Variants in SGCD observed in about 807,000 individuals in gnomAD.
SGCD encodes delta-sarcoglycan.
SGCD carries 18 observed loss-of-function variants against 36.6 expected under a neutral mutation model. The observed-to-expected ratio is 0.49, with a 90% CI of 0.34 to 0.73. The LOEUF (loss-of-function observed/expected upper bound fraction) is 0.73, where lower values mean the gene tolerates loss of function less well. Among genes scored for constraint, SGCD ranks in the 30% least tolerant of loss-of-function variants. SGCD has a pLI of 0.01. For missense variants in SGCD, 387 were observed against 346.7 expected (o/e 1.12, Z -0.92); for synonymous variants, 133 against 130.6 (o/e 1.02, Z -0.12).
At chr5:155,732,948 C>A in the SGCD span, among the ~76,000 whole-genome samples, 2 of 151,708 alleles carry the variant, frequency 1.3e-5, no homozygotes, top group South Asian at 4.2e-4. Context: ...ACAAGCAGGT[C>A]CACCTGGAGG....
chr5:156,277,276 T>C (rs1328230017), intron 3 of SGCD, among the ~76,000 whole-genome samples: 1 of 152,190 alleles, frequency 6.6e-6, no homozygotes, highest in Non-Finnish European at 1.5e-5. Context: ...CCCCTGCCTC[T>C]TCCTTTCCCT....
chr5:156,280,900 CATT>C (rs1189998030), intron 3 of SGCD, among the ~76,000 whole-genome samples: 1 of 152,080 alleles, frequency 6.6e-6, no homozygotes, highest in Non-Finnish European at 1.5e-5. Context: ...GAATAAAAGT[CATT>C]ATTAGAGCAA....
chr5:156,626,126 A>G (rs1219229609), intron 6 of SGCD, among the ~76,000 whole-genome samples: 4 of 152,202 alleles, frequency 2.6e-5, no homozygotes, highest in Non-Finnish European at 1.5e-5. Flanking sequence ...ACAGCCCCCT[A>G]CAACAAAGAA....
At chr5:156,523,352 A>G in intron 4 of SGCD, among the ~76,000 whole-genome samples, 1 of 152,224 alleles carries the variant, frequency 6.6e-6, no homozygotes, top group Middle Eastern at 3.2e-3. Context: ...ATTCATAAGC[A>G]CTATGAGAAG....
At chr5:156,432,658 G>A (rs1366835222) in intron 3 of SGCD, among the ~76,000 whole-genome samples, 2 of 152,176 alleles carry the variant, frequency 1.3e-5, no homozygotes, top group South Asian at 4.1e-4. Context: ...GTGGGGGATA[G>A]GGGTGGTTTT....
chr5:156,166,268 C>T (rs561580317), intron 3 of SGCD, among the ~76,000 whole-genome samples: 1 of 151,828 alleles, frequency 6.6e-6, no homozygotes, highest in Non-Finnish European at 1.5e-5. Flanking sequence ...TTAAAAGGTA[C>T]TGTAGTGCCT....
intron 3 of SGCD, among the ~76,000 whole-genome samples, chr5:156,133,571 T>C (rs1477573553): frequency 6.6e-6 from 1 of 152,176 alleles, no homozygotes; most frequent in Non-Finnish European, 1.5e-5. Context: ...TTAAAATGCA[T>C]GTAATGGGCC....
the SGCD span, among the ~76,000 whole-genome samples, chr5:155,738,898 TGA>T: frequency 1.0e-4 from 15 of 149,114 alleles, no homozygotes; most frequent in Non-Finnish European, 1.6e-4. Flanking sequence ...TGTGAGTGTG[TGA>T]GAGAGTATGT....
chr5:155,855,261 T>C, the SGCD span, among the ~76,000 whole-genome samples: 1 of 152,226 alleles, frequency 6.6e-6, no homozygotes, highest in South Asian at 2.1e-4. Flanking sequence ...ATACCCCAAC[T>C]CCTTCAACCC....
intron 7 of SGCD, among the ~76,000 whole-genome samples, chr5:156,671,127 T>C (rs1753270832): frequency 1.3e-5 from 2 of 151,954 alleles, no homozygotes; most frequent in Admixed American, 6.6e-5. Context: ...TTTTTTCTTT[T>C]TGAGTCTATT....
At chr5:155,934,050 C>A (rs1387476178) in intron 1 of SGCD, among the ~76,000 whole-genome samples, 1 of 152,174 alleles carries the variant, frequency 6.6e-6, no homozygotes, top group Non-Finnish European at 1.5e-5. Flanking sequence ...TGGTACTCAT[C>A]AAAATTCAAA....
At chr5:156,403,050 A>G (rs550912549) in intron 3 of SGCD, among the ~76,000 whole-genome samples, 55 of 152,258 alleles carry the variant, frequency 3.6e-4, no homozygotes, top group Non-Finnish European at 5.4e-4. Flanking sequence ...GTTTATGTTT[A>G]TCCTAATTGT....
intron 1 of SGCD, among the ~76,000 whole-genome samples, chr5:155,948,292 A>ACT (rs1360907247): frequency 3.3e-5 from 5 of 151,990 alleles, no homozygotes; most frequent in African/African-American, 7.3e-5. Flanking sequence ...TGCTACTACT[A>ACT]ATAATAATAA....
intron 4 of SGCD, among the ~76,000 whole-genome samples, chr5:156,515,619 G>A (rs1008193808): frequency 1.3e-5 from 2 of 152,216 alleles, no homozygotes; most frequent in East Asian, 1.9e-4. Flanking sequence ...AGGAAACCAA[G>A]ATTTACCCAC....
intron 7 of SGCD, among the ~76,000 whole-genome samples, chr5:156,678,689 A>C (rs750057898): frequency 1.3e-5 from 2 of 152,240 alleles, no homozygotes; most frequent in African/African-American, 2.4e-5. Flanking sequence ...ACAAAGAGGA[A>C]ATTATAGTTT....
chr5:155,913,904 A>G (rs1234984892), intron 1 of SGCD, among the ~76,000 whole-genome samples: 4 of 152,226 alleles, frequency 2.6e-5, no homozygotes, highest in Non-Finnish European at 4.4e-5. Context: ...ACTAACCTTT[A>G]TTAGTCTCAT....
intron 3 of SGCD, among the ~76,000 whole-genome samples, chr5:156,436,117 C>G (rs979428607): frequency 1.3e-5 from 2 of 152,176 alleles, no homozygotes; most frequent in Admixed American, 1.3e-4. Context: ...CACCGGGCCA[C>G]AGTTTCTCAA....
the SGCD span, among the ~76,000 whole-genome samples, chr5:155,826,182 A>G: frequency 6.6e-6 from 1 of 152,268 alleles, no homozygotes; most frequent in East Asian, 1.9e-4. Flanking sequence ...TTGCTTTCCA[A>G]ACTCAGGGCT....
At chr5:156,567,938 A>G (rs1321392116) in intron 4 of SGCD, among the ~76,000 whole-genome samples, 1 of 152,150 alleles carries the variant, frequency 6.6e-6, no homozygotes, top group Non-Finnish European at 1.5e-5. Context: ...TCTGCTAGGC[A>G]CAGTTCTCAT....
Sources: gnomAD v4.1 joint callset for allele counts (sites outside exome capture counted in the v4.1 genomes callset) on GRCh38, gnomAD v4.1.1 for gene constraint, MANE v1.5 for transcripts, NCBI Gene and HGNC (gene_info 2026-07-23, HGNC 2026-07-21) for gene names.